The following TMEM132B variants were observed in gnomAD, a reference collection of about 807,000 sequenced individuals.
TMEM132B encodes the protein transmembrane protein 132B.
In TMEM132B, 18 loss-of-function variants were observed where a neutral mutation model predicts 90.8. That is an observed-to-expected ratio of 0.20 (90% CI 0.14 to 0.29). The LOEUF is 0.29. Among genes scored for constraint, TMEM132B ranks in the 10% least tolerant of loss-of-function variants. TMEM132B has a pLI of 1.00. For missense variants in TMEM132B, 1,096 were observed against 1,326.8 expected (o/e 0.83, Z 2.70); for synonymous variants, 504 against 523.3 (o/e 0.96, Z 0.50).
At chr12:125,202,915 C>T (rs1485700428) in intron 1 of TMEM132B, among the ~76,000 whole-genome samples, 2 of 152,196 alleles carry the variant, frequency 1.3e-5, no homozygotes, top group African/African-American at 4.8e-5. Context: ...TTCCCCAGTA[C>T]GTGATCCAAC....
intron 4 of TMEM132B, among the ~76,000 whole-genome samples, chr12:125,547,666 A>G (rs560951937): frequency 6.6e-6 from 1 of 152,226 alleles, no homozygotes; most frequent in East Asian, 1.9e-4. Flanking sequence ...GGCTCTTTGC[A>G]GGTTTCCCTT....
In TMEM132B at chr12:125,237,858, A is replaced by G. The variant is rs555474168; in HGVS notation, c.67+50992A>G. The stretch of plus-strand genomic sequence containing the variant: ...CTTGTGCTTGGTGCTGTTGTGGTAC[A>G]TGGTGGATGCTTGGTTGATGGTGTT... On this transcript the variant is annotated intron_variant, in intron 1 of 8. Transcript: ENST00000682704. Among the ~76,000 whole-genome samples the G allele has an allele frequency of 5.3e-5, 8 of 152,302 alleles. No individual in the cohort carries two copies. In the East Asian group the frequency reaches 1.5e-3, roughly 29 times the overall value.
At chr12:125,230,664 G>A (rs930154028) in intron 1 of TMEM132B, among the ~76,000 whole-genome samples, 1 of 149,924 alleles carries the variant, frequency 6.7e-6, no homozygotes, top group African/African-American at 2.5e-5. Flanking sequence ...TGGTTTTTTT[G>A]TGTGTATTTT....
At chr12:125,471,259 C>T (rs760539704) in intron 3 of TMEM132B, among the ~76,000 whole-genome samples, 11 of 152,212 alleles carry the variant, frequency 7.2e-5, no homozygotes, top group Non-Finnish European at 1.3e-4. Flanking sequence ...CCATGGGCTG[C>T]TGTGGTCCGG....
At chr12:125,255,675 T>G (rs996491071) in intron 1 of TMEM132B, among the ~76,000 whole-genome samples, 1 of 152,208 alleles carries the variant, frequency 6.6e-6, no homozygotes, top group African/African-American at 2.4e-5. Context: ...GAGCGAGGTC[T>G]CTGCCCTTTT....
chr12:125,567,036 G>T (rs944410600), intron 4 of TMEM132B, among the ~76,000 whole-genome samples: 1 of 151,858 alleles, frequency 6.6e-6, no homozygotes, highest in Non-Finnish European at 1.5e-5. Flanking sequence ...TAGAGATGGG[G>T]TTTCACCATG....
chr12:125,377,524 T>A (rs1449197933), intron 2 of TMEM132B, among the ~76,000 whole-genome samples: 1 of 152,170 alleles, frequency 6.6e-6, no homozygotes, highest in Non-Finnish European at 1.5e-5. Context: ...ATGAGGGTAA[T>A]GATGTCCCCT....
chr12:125,592,667 G>A (rs963899097), intron 5 of TMEM132B, among the ~76,000 whole-genome samples: 6 of 152,180 alleles, frequency 3.9e-5, no homozygotes, highest in Non-Finnish European at 8.8e-5. Flanking sequence ...TGCATTTCTT[G>A]GGGTAATGTG....
intron 4 of TMEM132B, among the ~76,000 whole-genome samples, chr12:125,549,279 C>T (rs1337331600): frequency 2.0e-5 from 3 of 152,242 alleles, no homozygotes; most frequent in Non-Finnish European, 2.9e-5. Flanking sequence ...AGGCTAATGA[C>T]TTTCAGTGAG....
intron 1 of TMEM132B, among the ~76,000 whole-genome samples, chr12:125,222,488 T>C (rs1274704963): frequency 2.0e-5 from 3 of 152,096 alleles, no homozygotes; most frequent in East Asian, 1.9e-4. Flanking sequence ...TCCATAAATA[T>C]AGGGACTCCA....
chr12:125,269,364 T>C (rs947702349), intron 1 of TMEM132B, among the ~76,000 whole-genome samples: 7 of 152,166 alleles, frequency 4.6e-5, no homozygotes, highest in African/African-American at 1.7e-4. Flanking sequence ...TGCAGGCCCT[T>C]TGTGGAGCGA....
intron 1 of TMEM132B, among the ~76,000 whole-genome samples, chr12:125,210,297 G>A (rs950068181): frequency 3.9e-5 from 6 of 152,130 alleles, no homozygotes; most frequent in East Asian, 1.9e-4. Flanking sequence ...GGGAAGGAGC[G>A]AGTGCAAAGG....
At chr12:125,468,128 G>A (rs1274615168) in intron 3 of TMEM132B, among the ~76,000 whole-genome samples, 1 of 152,048 alleles carries the variant, frequency 6.6e-6, no homozygotes, top group Admixed American at 6.6e-5. Context: ...ATGTATCTAG[G>A]AGTACAATTG....
At chr12:125,561,529 T>TA (rs1355306421) in intron 4 of TMEM132B, among the ~76,000 whole-genome samples, 12 of 152,160 alleles carry the variant, frequency 7.9e-5, no homozygotes, top group African/African-American at 2.9e-4. Flanking sequence ...ATAAAAAAAT[T>TA]AAAAAAAGAA....
chr12:125,569,311 A>G (rs1884735549), intron 4 of TMEM132B, among the ~76,000 whole-genome samples: 1 of 152,098 alleles, frequency 6.6e-6, no homozygotes, highest in Non-Finnish European at 1.5e-5. Flanking sequence ...ACCTTACAGA[A>G]AAGATTATTG....
intron 1 of TMEM132B, among the ~76,000 whole-genome samples, chr12:125,198,025 A>G (rs182779729): frequency 6.6e-6 from 1 of 152,322 alleles, no homozygotes; most frequent in Admixed American, 6.5e-5. Context: ...GAGGCTGTGG[A>G]GGGAACTGAT....
chr12:125,367,232 AT>A (rs1195496969), intron 2 of TMEM132B, among the ~76,000 whole-genome samples: 23 of 152,212 alleles, frequency 1.5e-4, no homozygotes, highest in African/African-American at 5.3e-4. Flanking sequence ...ATTTTGGACA[AT>A]TTTTTATTGT....
intron 4 of TMEM132B, among the ~76,000 whole-genome samples, chr12:125,575,677 G>A (rs1166506296): frequency 6.6e-6 from 1 of 151,888 alleles, no homozygotes; most frequent in African/African-American, 2.4e-5. Context: ...TTTCTTTAAA[G>A]AGTTTAATGG....
intron 1 of TMEM132B, among the ~76,000 whole-genome samples, chr12:125,206,410 G>A (rs982229533): frequency 6.6e-6 from 1 of 152,058 alleles, no homozygotes; most frequent in Non-Finnish European, 1.5e-5. Context: ...GCTAATTTTT[G>A]TAGTTTTAGT....
Sources: allele counts gnomAD v4.1 joint callset (sites outside exome capture counted in the v4.1 genomes callset), GRCh38; gene constraint gnomAD v4.1.1; transcripts MANE v1.5; gene names NCBI Gene and HGNC (gene_info 2026-07-23, HGNC 2026-07-21).